The following COL22A1 variants were observed in gnomAD, a reference collection of about 807,000 sequenced individuals.
COL22A1 encodes collagen type XXII alpha 1 chain.
In COL22A1, 221 loss-of-function variants were observed where a neutral mutation model predicts 248.9. The observed-to-expected ratio is 0.89, with a 90% CI of 0.80 to 0.99. The LOEUF (loss-of-function observed/expected upper bound fraction) is 0.99, where lower values mean the gene tolerates loss of function less well. Ranked by LOEUF, COL22A1 falls within the 50% of genes least tolerant of loss-of-function variation. The pLI is 0.00. For synonymous variants in COL22A1, 891 were observed against 793.4 expected, an observed-to-expected ratio of 1.12 and a Z score of -2.07; for missense variants, 2,240 against 2,179.0, an observed-to-expected ratio of 1.03 and a Z score of -0.56.
chr8:138,694,489 G>A lies in COL22A1; in HGVS notation c.2700+19C>T, dbSNP rs2130932376. On this transcript the variant is annotated intron_variant, in intron 34 of 64. Transcript: ENST00000303045. ...TCTCCAAGTCTCTGAGCCAGCAGGGGAAGGGATGGTTTTCTTACCGGTGGT... is the reference window on the plus strand; with the variant it reads ...TCTCCAAGTCTCTGAGCCAGCAGGGAAAGGGATGGTTTTCTTACCGGTGGT... 1 of 1,612,930 alleles carries A rather than the reference G, an allele frequency of 6.2e-7. No homozygotes were observed. Among genetic ancestry groups the A allele is most frequent in the Non-Finnish European group, 8.5e-7 (1 of 1,178,910 alleles).
In COL22A1 at chr8:138,744,496, C is replaced by T. The variant is rs907199287; in HGVS notation, c.2086-6919G>A. On this transcript the variant is annotated intron_variant, in intron 22 of 64. Transcript: ENST00000303045. ...CACACACACACCACACACACACACA[C>T]ACACACACTCATACTCACAATATTG... Among the ~76,000 whole-genome samples, 32 of 151,988 alleles carry T rather than the reference C, an allele frequency of 2.1e-4. 4 individuals carry two copies. Among genetic ancestry groups the T allele is most frequent in the Admixed American group, 2.0e-3 (31 of 15,268 alleles).
intron 4 of COL22A1, among the ~76,000 whole-genome samples, chr8:138,841,961 G>A (rs1449477198): frequency 6.6e-6 from 1 of 152,192 alleles, no homozygotes; most frequent in East Asian, 1.9e-4. Context: ...GTTTGGGTAA[G>A]TTTGCCTGAT....
chr8:138,891,312 G>C (rs1407818277), intron 1 of COL22A1, among the ~76,000 whole-genome samples: 1 of 152,136 alleles, frequency 6.6e-6, no homozygotes, highest in Admixed American at 6.5e-5. Context: ...TTGCAAATTA[G>C]TACTAATCAC....
chr8:138,601,957 G>A (rs536324584), intron 60 of COL22A1, among the ~76,000 whole-genome samples, 158 bp downstream of exon 60: 117 of 152,300 alleles, frequency 7.7e-4, no homozygotes, highest in African/African-American at 2.7e-3. Flanking sequence ...TTGTGGGGCT[G>A]GTGATCATCC....
intron 3 of COL22A1, among the ~76,000 whole-genome samples, chr8:138,852,972 A>G (rs1345252172): frequency 6.7e-6 from 1 of 150,142 alleles, no homozygotes; most frequent in Non-Finnish European, 1.5e-5. Flanking sequence ...GTGAAACCCC[A>G]TATCTACTAC....
intron 43 of COL22A1, among the ~76,000 whole-genome samples, chr8:138,661,718 C>A (rs73445491): frequency 6.6e-6 from 1 of 151,394 alleles, no homozygotes; most frequent in African/African-American, 2.4e-5. Context: ...GTGCCTGATT[C>A]GAGCAGAACT....
intron 10 of COL22A1, among the ~76,000 whole-genome samples, chr8:138,806,171 T>C (rs1175935408): frequency 5.2e-5 from 5 of 97,056 alleles, no homozygotes; most frequent in South Asian, 3.5e-4. Flanking sequence ...TGTGTGATGG[T>C]GTAAGTAATG....
At chr8:138,754,291 G>T (rs562285571) in intron 21 of COL22A1, among the ~76,000 whole-genome samples, 1 of 151,950 alleles carries the variant, frequency 6.6e-6, no homozygotes, top group African/African-American at 2.4e-5. Flanking sequence ...TCTGGAAACC[G>T]AACCTGGAGA....
chr8:138,674,902 T>TCCAGTTAC lies in COL22A1; in HGVS notation c.3150+1655_3150+1656insGTAACTGG, dbSNP rs541294753. Reference sequence around the variant, plus strand: ...AACTATTGTGTTCTCTCGCTGCACTTATTGTTACAGTGTTCCTTCCAGTTA... The same window carrying TCCAGTTAC: ...AACTATTGTGTTCTCTCGCTGCACTTCCAGTTACATTGTTACAGTGTTCCTTCCAGTTA... On this transcript the variant is annotated intron_variant, in intron 41 of 64. Transcript: ENST00000303045. Among the ~76,000 whole-genome samples the TCCAGTTAC allele has an allele frequency of 3.2e-3, 485 of 152,312 alleles. 3 individuals are homozygous for TCCAGTTAC. The highest frequency in any genetic ancestry group is 0.011 in the African/African-American group (472 of 41,558).
intron 60 of COL22A1, among the ~76,000 whole-genome samples, chr8:138,601,889 G>A (rs1818047194): frequency 6.6e-6 from 1 of 152,120 alleles, no homozygotes; most frequent in Non-Finnish European, 1.5e-5. Flanking sequence ...AAGAAAAAAA[G>A]GAAAAACATA....
intron 20 of COL22A1, 132 bp downstream of exon 20, chr8:138,755,350 T>C (rs1832913015): frequency 2.3e-6 from 3 of 1,290,806 alleles, no homozygotes; most frequent in African/African-American, 2.9e-5. Context: ...GAGTGGGTAT[T>C]TGCATTTCTG....
At chr8:138,740,159 G>T (rs555556535) in intron 22 of COL22A1, among the ~76,000 whole-genome samples, 3 of 152,338 alleles carry the variant, frequency 2.0e-5, no homozygotes, top group Non-Finnish European at 4.4e-5. Context: ...TCTATAGAGA[G>T]TCACCGGTTA....
At chr8:138,694,374 C>G in intron 34 of COL22A1, 134 bp downstream of exon 34, 1 of 910,154 alleles carries the variant, frequency 1.1e-6, no homozygotes, top group Admixed American at 1.7e-5. Flanking sequence ...CTCTGCAGCA[C>G]ATTGGGGCTG....
At chr8:138,887,342 G>A (rs554394547) in intron 1 of COL22A1, among the ~76,000 whole-genome samples, 7 of 151,674 alleles carry the variant, frequency 4.6e-5, no homozygotes, top group Non-Finnish European at 7.4e-5. Flanking sequence ...CTCTGCCTCA[G>A]CCTCCCAAGT....
At chr8:138,775,268 G>T (rs749762786) in intron 16 of COL22A1, among the ~76,000 whole-genome samples, 66 of 152,176 alleles carry the variant, frequency 4.3e-4, no homozygotes, top group Non-Finnish European at 7.9e-4. Flanking sequence ...GTTTGGGAAG[G>T]TGGAGCTGGG....
chr8:138,679,721 T>C, intron 39 of COL22A1, 45 bp from the exon 40 acceptor site: 1 of 1,553,610 alleles, frequency 6.4e-7, no homozygotes, highest in African/African-American at 1.4e-5. Context: ...AAACAAATGT[T>C]TACCAAGCAC....
chr8:138,745,440 A>C (rs1185504739), intron 22 of COL22A1, among the ~76,000 whole-genome samples: 1 of 152,162 alleles, frequency 6.6e-6, no homozygotes, highest in Non-Finnish European at 1.5e-5. Context: ...CTATTTAATT[A>C]ATGCCATTAT....
intron 1 of COL22A1, 97 bp from the exon 2 acceptor site, chr8:138,883,341 C>G (rs1192039719): frequency 1.4e-5 from 9 of 649,224 alleles, no homozygotes; most frequent in Non-Finnish European, 2.3e-5. Flanking sequence ...CTACACCCAG[C>G]CTTCCAACCC....
chr8:138,802,132 C>T (rs1817047717), intron 11 of COL22A1, among the ~76,000 whole-genome samples: 1 of 152,046 alleles, frequency 6.6e-6, no homozygotes, highest in South Asian at 2.1e-4. Context: ...TTATTATCCC[C>T]ATTTTACAGA....
Sources: allele counts gnomAD v4.1 joint callset (sites outside exome capture counted in the v4.1 genomes callset), GRCh38; gene constraint gnomAD v4.1.1; transcripts MANE v1.5; gene names NCBI Gene and HGNC (gene_info 2026-07-23, HGNC 2026-07-21).